CHID1: variants seen among roughly 807,000 people sequenced by gnomAD.
CHID1 encodes the protein chitinase domain containing 1.
A neutral mutation model predicts 55.4 loss-of-function variants in CHID1; 44 were observed. That is an observed-to-expected ratio of 0.79 (90% confidence interval 0.62 to 1.02). The LOEUF (loss-of-function observed/expected upper bound fraction) is 1.02. CHID1 is among the 50% of genes least tolerant of loss of function. CHID1 has a pLI of 0.00. For missense variants in CHID1, 491 were observed against 515.3 expected (o/e 0.95, Z 0.46); for synonymous variants, 216 against 212.9 (o/e 1.01, Z -0.13).
chr11:903,569 T>A (rs1238596780), intron 2 of CHID1: 1 of 215,212 alleles, frequency 4.6e-6, no homozygotes, highest in African/African-American at 2.4e-5. Flanking sequence ...TCACCTGAGA[T>A]CAGGAGTTGG....
At chr11:876,059 G>A (rs1382321264) in intron 10 of CHID1, among the ~76,000 whole-genome samples, 1 of 152,150 alleles carries the variant, frequency 6.6e-6, no homozygotes, top group East Asian at 1.9e-4. Flanking sequence ...ATTTCAGCTA[G>A]AAAAGCAGAC....
intron 10 of CHID1, among the ~76,000 whole-genome samples, chr11:872,346 T>A (rs1350417842): frequency 6.6e-6 from 1 of 152,170 alleles, no homozygotes; most frequent in East Asian, 1.9e-4. Context: ...TTAGTAGAGA[T>A]GGAGTTTCTC....
intron 10 of CHID1, among the ~76,000 whole-genome samples, chr11:878,515 A>G (rs893571980): frequency 5.9e-5 from 9 of 151,982 alleles, no homozygotes; most frequent in African/African-American, 2.2e-4. Flanking sequence ...GTGAGCCAAG[A>G]TCGCACCATT....
intron 9 of CHID1, among the ~76,000 whole-genome samples, chr11:883,823 C>T (rs926597483): frequency 6.6e-6 from 1 of 152,258 alleles, no homozygotes; most frequent in African/African-American, 2.4e-5. Context: ...AGGACTATGC[C>T]TGTACCTCTG....
intron 10 of CHID1, among the ~76,000 whole-genome samples, chr11:872,095 C>T (rs1343654794): frequency 6.6e-6 from 1 of 152,208 alleles, no homozygotes; most frequent in Non-Finnish European, 1.5e-5. Flanking sequence ...CCGGCAAACA[C>T]ATGGCAGGGA....
intron 8 of CHID1, among the ~76,000 whole-genome samples, chr11:884,823 G>C (rs553801429): frequency 5.9e-5 from 9 of 152,342 alleles, no homozygotes; most frequent in Admixed American, 5.9e-4. Flanking sequence ...AAGCGGCCCT[G>C]TTCTGTCTGC....
At chr11:881,774 G>A (rs1323645930) in intron 10 of CHID1, among the ~76,000 whole-genome samples, 1 of 152,120 alleles carries the variant, frequency 6.6e-6, no homozygotes, top group Non-Finnish European at 1.5e-5. Flanking sequence ...GGCTGAGGCA[G>A]GAGGATCGCT....
chr11:904,613 T>A (rs1852071562), intron 2 of CHID1, 93 bp downstream of exon 2: 2 of 1,489,396 alleles, frequency 1.3e-6, no homozygotes, highest in Admixed American at 1.8e-5. Flanking sequence ...CCCTCGAGCC[T>A]CCTGGCTCAC....
At chr11:883,531 GTGGCCC>G (rs1386362784) in intron 9 of CHID1, among the ~76,000 whole-genome samples, 3 of 152,096 alleles carry the variant, frequency 2.0e-5, no homozygotes, top group African/African-American at 7.2e-5. Flanking sequence ...TGTCAGCAGA[GTGGCCC>G]CATGAGGCAT....
At chr11:878,092 G>A (rs974787131) in intron 10 of CHID1, among the ~76,000 whole-genome samples, 5 of 152,178 alleles carry the variant, frequency 3.3e-5, no homozygotes, top group African/African-American at 7.2e-5. Context: ...AACTGGCCAC[G>A]GGCCTTGGAC....
chr11:891,973 G>C (rs1382200598), intron 8 of CHID1, among the ~76,000 whole-genome samples: 1 of 151,666 alleles, frequency 6.6e-6, no homozygotes, highest in South Asian at 2.1e-4. Flanking sequence ...CAAATTAACT[G>C]GGTGTGGTGA....
chr11:877,906 G>A (rs1435307484), intron 10 of CHID1, among the ~76,000 whole-genome samples: 1 of 152,192 alleles, frequency 6.6e-6, no homozygotes, highest in Admixed American at 6.5e-5. Context: ...CCGCCCTGGT[G>A]AACGGATTAA....
upstream of CHID1, among the ~76,000 whole-genome samples, chr11:911,752 G>A (rs960517848): frequency 6.6e-6 from 1 of 152,166 alleles, no homozygotes; most frequent in African/African-American, 2.4e-5. Flanking sequence ...GGCTGCATGC[G>A]GTGCGAGGCA....
At chr11:890,086 CT>C (rs1850693291) in intron 8 of CHID1, among the ~76,000 whole-genome samples, 1 of 152,228 alleles carries the variant, frequency 6.6e-6, no homozygotes, top group South Asian at 2.1e-4. Context: ...TCCTCGCCCC[CT>C]CACGATGGCT....
At chr11:899,243 A>G (rs1851621133) in intron 7 of CHID1, 97 bp downstream of exon 7, 1 of 1,202,852 alleles carries the variant, frequency 8.3e-7, no homozygotes, top group African/African-American at 1.5e-5. Flanking sequence ...GGGACTGTGG[A>G]AGGAAGGCCC....
At position 893,435 on chromosome 11, in the gene CHID1, G is replaced by A; in HGVS notation, c.693C>T (p.Ile231=). The A allele has an allele frequency of 6.4e-7, 1 of 1,550,514 alleles. No homozygotes were observed. Among genetic ancestry groups the A allele is most frequent in the Non-Finnish European group, 8.7e-7 (1 of 1,147,024 alleles). ...TCAAGAGCGGCACTTACCCGGGGGTGATGGCAGGCGGGATGACCAGGAGGG... is the reference window on the plus strand; with the variant it reads ...TCAAGAGCGGCACTTACCCGGGGGTAATGGCAGGCGGGATGACCAGGAGGG... The part of the protein sequence containing the change: ...LLALLVIPPA[I]TPGTDQLGMF... The change falls in exon 8 of 13, where the codon ATC becomes ATT. Residue 231 remains isoleucine, a synonymous_variant. Coordinates refer to ENST00000323578, the MANE Select transcript of CHID1 (RefSeq NM_023947.4).
chr11:879,834 G>A (rs955671844), intron 10 of CHID1, among the ~76,000 whole-genome samples: 6 of 152,236 alleles, frequency 3.9e-5, no homozygotes, highest in Non-Finnish European at 5.9e-5. Context: ...TTTGCACAGG[G>A]GATCCTGGGC....
chr11:895,650 C>T (rs1272506149), intron 7 of CHID1, among the ~76,000 whole-genome samples: 1 of 152,140 alleles, frequency 6.6e-6, no homozygotes. Context: ...GCACTGCCAA[C>T]AAACTCTGCA....
At position 910,786 on chromosome 11, in the gene CHID1, G is replaced by A. The variant is rs1852619242; in HGVS notation, c.-55C>T. The A allele has an allele frequency of 2.7e-6, 3 of 1,126,578 alleles. No individual in the cohort carries two copies. The highest frequency in any genetic ancestry group is 2.2e-6 in the Non-Finnish European group (2 of 911,860). The allele number at this position is 1,126,578 out of a possible 1,614,324, so 69.8% of individuals were successfully genotyped here. On this transcript the variant is annotated 5_prime_UTR_variant, in exon 1 of 13. Transcript: ENST00000323578. ...GCCGCGGGGCTCACCTGCATGTCAG[G>A]GAGGCCGGACGGCCACAAACGCACG...
Sources: gnomAD v4.1 joint callset for allele counts (sites outside exome capture counted in the v4.1 genomes callset) on GRCh38, gnomAD v4.1.1 for gene constraint, MANE v1.5 for transcripts, NCBI Gene and HGNC (gene_info 2026-07-23, HGNC 2026-07-21) for gene names.